The following PRCP variants were observed in gnomAD, a reference collection of about 807,000 sequenced individuals.
PRCP encodes the protein prolylcarboxypeptidase, also known as lysosomal Pro-X carboxypeptidase.
A neutral mutation model predicts 54.2 loss-of-function variants in PRCP; 46 were observed. The ratio of observed to expected loss-of-function variants is 0.85; its 90% confidence interval spans 0.67 to 1.09. The LOEUF is 1.09. Among genes scored for constraint, PRCP ranks in the 50% least tolerant of loss-of-function variants. The pLI, the probability that PRCP is intolerant of heterozygous loss-of-function variation, is 0.00. For missense variants in PRCP, 613 were observed against 596.8 expected (o/e 1.03, Z -0.28); for synonymous variants, 240 against 212.2 (o/e 1.13, Z -1.14).
chr11:82,877,640 C>A (rs1296487919), intron 1 of PRCP, among the ~76,000 whole-genome samples: 1 of 152,202 alleles, frequency 6.6e-6, no homozygotes, highest in Non-Finnish European at 1.5e-5. Context: ...CCTGCAGGTG[C>A]ACAGAAGTCA....
chr11:82,861,809 T>C (rs1246625491), intron 1 of PRCP, among the ~76,000 whole-genome samples: 2 of 152,282 alleles, frequency 1.3e-5, no homozygotes, highest in East Asian at 3.9e-4. Context: ...CCAGACATAA[T>C]ACATGACCCT....
chr11:82,823,805 A>C lies in PRCP; in HGVS notation c.*1101T>G, dbSNP rs1858152117. The C allele has an allele frequency of 6.6e-6, 1 of 152,214 alleles. No individual in the cohort carries two copies. The allele number at this position is 152,214 out of a possible 1,614,324, so 9.4% of individuals were successfully genotyped here. A position where few individuals can be genotyped will look rare whatever the true frequency, so the allele number is the denominator to read the frequency against. ...GGTCTCAGTGTAAGAACTGCTTGAAAGAAGCCAACCCCTTGGAAATAGGAA... is the reference window on the plus strand; with the variant it reads ...GGTCTCAGTGTAAGAACTGCTTGAACGAAGCCAACCCCTTGGAAATAGGAA... On this transcript the variant is annotated 3_prime_UTR_variant, in exon 9 of 9. Transcript: ENST00000313010.
intron 1 of PRCP, among the ~76,000 whole-genome samples, chr11:82,884,604 CT>C (rs1859824750): frequency 6.6e-6 from 1 of 152,274 alleles, no homozygotes; most frequent in Admixed American, 6.5e-5. Context: ...AACACACATA[CT>C]TTTGCACTAA....
intron 1 of PRCP, among the ~76,000 whole-genome samples, chr11:82,867,754 C>G (rs1859376142): frequency 6.6e-6 from 1 of 152,212 alleles, no homozygotes; most frequent in Middle Eastern, 3.4e-3. Flanking sequence ...ACGGGGTCTC[C>G]CCTCTGTAGC....
At chr11:82,863,696 T>A (rs1432570301) in intron 1 of PRCP, among the ~76,000 whole-genome samples, 1 of 152,220 alleles carries the variant, frequency 6.6e-6, no homozygotes, top group Admixed American at 6.5e-5. Flanking sequence ...TTTGTATATG[T>A]CATGCTAAAT....
At chr11:82,838,727 T>C (rs1242566718) in intron 7 of PRCP, among the ~76,000 whole-genome samples, 153 bp from the exon 8 acceptor site, 1 of 152,234 alleles carries the variant, frequency 6.6e-6, no homozygotes, top group East Asian at 1.9e-4. Flanking sequence ...TTCTGCGCCA[T>C]ATAATCTCTC....
At chr11:82,873,226 A>G (rs1029006111) in intron 1 of PRCP, among the ~76,000 whole-genome samples, 1 of 152,220 alleles carries the variant, frequency 6.6e-6, no homozygotes, top group South Asian at 2.1e-4. Context: ...TTTAATCTCC[A>G]AAGTCATAAT....
Position 82,900,324 on chromosome 11 carries a change from T to C in PRCP, c.79A>G (p.Arg27Gly). 1.2e-6 allele frequency: 2 copies of C among 1,614,166 alleles called. No individual in the cohort carries two copies. The highest frequency in any genetic ancestry group is 2.2e-5 in the East Asian group (1 of 44,886). ...GGCAAGTGTAGGCTGCCGAGGGCCCTTAAGGCCGGCCGGAGGGCTATGGTG... is the reference window on the plus strand; with the variant it reads ...GGCAAGTGTAGGCTGCCGAGGGCCCCTAAGGCCGGCCGGAGGGCTATGGTG... ...WATIALRPAL[R>G]ALGSLHLPTN... The change falls in exon 1 of 9, where the codon AGG becomes GGG. Residue 27 changes from arginine (R) to glycine (G), a missense_variant. Physicochemically the swap from Arg to Gly is moderately radical, Grantham distance 125. Coordinates refer to ENST00000313010, the MANE Select transcript of PRCP (RefSeq NM_005040.4).
chr11:82,830,154 T>C (rs923933268), intron 8 of PRCP: 3 of 152,144 alleles, frequency 2.0e-5, no homozygotes. Context: ...TGAAAATAAA[T>C]AAACTATAAA....
intron 1 of PRCP, among the ~76,000 whole-genome samples, chr11:82,860,999 C>T (rs1280248552): frequency 6.6e-6 from 1 of 151,800 alleles, no homozygotes; most frequent in Admixed American, 6.6e-5. Flanking sequence ...ATAAATTGAA[C>T]GTAAAACAAA....
upstream of PRCP, among the ~76,000 whole-genome samples, chr11:82,901,167 T>G (rs1212985887): frequency 6.6e-6 from 1 of 152,300 alleles, no homozygotes; most frequent in South Asian, 2.1e-4. Flanking sequence ...TACTCCGTTC[T>G]TGGGTCACCC....
Position 82,850,457 on chromosome 11 carries a change from A to T in PRCP, c.460T>A (p.Phe154Ile), listed in dbSNP as rs779964702. 6.3e-7 allele frequency: 1 copy of T among 1,599,642 alleles called. No individual in the cohort carries two copies. The highest frequency in any genetic ancestry group is 1.1e-5 in the South Asian group (1 of 88,736). Residue 154 changes from phenylalanine (F) to isoleucine (I), a missense_variant, in exon 4 of 9, where the codon TTT becomes ATT. By Grantham distance (21) the Phe-to-Ile change is conservative (BLOSUM62 0). Coordinates refer to ENST00000313010, the MANE Select transcript of PRCP (RefSeq NM_005040.4). ...FLTSEQALADFAELIKHLKRT... is the reference protein window; with the variant it reads ...FLTSEQALADIAELIKHLKRT... ...TTCAAGTGTTTGATTAACTCTGCAA[A>T]ATCAGCCAGAGCTTGTTCTGATGTC...
At position 82,877,050 on chromosome 11, in the gene PRCP, G is replaced by T. The variant is rs181975158; in HGVS notation, c.169-16933C>A. 1.2e-3 allele frequency among the ~76,000 whole-genome samples: 178 copies of T among 152,132 alleles called. 2 individuals are homozygous for T. Among genetic ancestry groups the T allele is most frequent in the African/African-American group, 4.0e-3 (167 of 41,524 alleles). ...GGTCTCAGACGGAGATGAGGAACTTGTTGGGAACTGAAACAAAGGTGACTC... is the reference window on the plus strand; with the variant it reads ...GGTCTCAGACGGAGATGAGGAACTTTTTGGGAACTGAAACAAAGGTGACTC... On this transcript the variant is annotated intron_variant, in intron 1 of 8. Transcript: ENST00000313010.
intron 7 of PRCP, 65 bp from the exon 8 acceptor site, chr11:82,838,639 C>T (rs1858588548): frequency 6.7e-7 from 1 of 1,498,326 alleles, no homozygotes; most frequent in Non-Finnish European, 9.1e-7. Flanking sequence ...AAATAAATTA[C>T]ACAAAGTCAT....
At chr11:82,868,763 A>AATG (rs1439871367) in intron 1 of PRCP, among the ~76,000 whole-genome samples, 1 of 152,142 alleles carries the variant, frequency 6.6e-6, no homozygotes, top group Admixed American at 6.5e-5. Flanking sequence ...GGGCTGCCAC[A>AATG]ATGGCTCACA....
At chr11:82,895,320 A>C (rs932290872) in intron 1 of PRCP, among the ~76,000 whole-genome samples, 6 of 152,090 alleles carry the variant, frequency 3.9e-5, no homozygotes, top group Non-Finnish European at 8.8e-5. Context: ...GGTATGCTTT[A>C]GGTTTTGTTG....
At chr11:82,828,983 C>A (rs1858311283) in intron 8 of PRCP, 1 of 152,184 alleles carries the variant, frequency 6.6e-6, no homozygotes, top group Non-Finnish European at 1.5e-5. Flanking sequence ...AACACACAAT[C>A]TGTCAACAAA....
At chr11:82,871,301 TCTGAGTAG>T (rs1267902473) in intron 1 of PRCP, among the ~76,000 whole-genome samples, 1 of 150,742 alleles carries the variant, frequency 6.6e-6, no homozygotes, top group East Asian at 2.0e-4. Flanking sequence ...TGCCTCAGCC[TCTGAGTAG>T]CTGCGACTAT....
Position 82,900,268 on chromosome 11 carries a change from G to C in PRCP, c.135C>G (p.Ala45=), listed in dbSNP as rs747096974. The C allele has an allele frequency of 1.2e-6, 2 of 1,614,240 alleles. No individual in the cohort carries two copies. Among genetic ancestry groups the C allele is most frequent in the Non-Finnish European group, 8.5e-7 (1 of 1,180,032 alleles). Reference sequence around the variant, plus strand: ...GGAAGTAGAGAACCGAATAGTTCTTGGCTACAGCCGGGAGGGATGTGGGGT... The same window carrying C: ...GGAAGTAGAGAACCGAATAGTTCTTCGCTACAGCCGGGAGGGATGTGGGGT... The part of the protein sequence containing the change: ...PTNPTSLPAV[A]KNYSVLYFQQ... The change falls in exon 1 of 9, where the codon GCC becomes GCG. Residue 45 remains alanine, a synonymous_variant. Coordinates refer to ENST00000313010, the MANE Select transcript of PRCP (RefSeq NM_005040.4).
Sources: allele counts gnomAD v4.1 joint callset (sites outside exome capture counted in the v4.1 genomes callset), GRCh38; gene constraint gnomAD v4.1.1; transcripts MANE v1.5; gene names NCBI Gene and HGNC (gene_info 2026-07-23, HGNC 2026-07-21).